Variants in DOCK2 observed in about 807,000 individuals in gnomAD.
DOCK2 encodes the protein dedicator of cytokinesis protein 2.
In DOCK2, 87 loss-of-function variants were observed where a neutral mutation model predicts 248.9. That is an observed-to-expected ratio of 0.35 (90% CI 0.29 to 0.42). DOCK2 has a LOEUF of 0.42. Among genes scored for constraint, DOCK2 ranks in the 10% least tolerant of loss-of-function variants. The pLI, the probability that DOCK2 is intolerant of heterozygous loss-of-function variation, is 1.00. For missense variants in DOCK2, 1,747 were observed against 2,300.2 expected (o/e 0.76, Z 4.92); for synonymous variants, 805 against 821.6 (o/e 0.98, Z 0.35).
chr5:169,656,111 T>C (rs1160872886), intron 2 of DOCK2, among the ~76,000 whole-genome samples: 2 of 152,172 alleles, frequency 1.3e-5, no homozygotes, highest in African/African-American at 4.8e-5. Flanking sequence ...CCCTATCTTT[T>C]ACAAATCTAG....
intron 27 of DOCK2, among the ~76,000 whole-genome samples, chr5:169,886,946 T>C (rs1304903501): frequency 2.6e-5 from 4 of 152,206 alleles, no homozygotes; most frequent in Non-Finnish European, 4.4e-5. Context: ...CTCTCTTCCT[T>C]AATCCTATGA....
At chr5:169,785,620 A>C (rs1765944680) in intron 25 of DOCK2, among the ~76,000 whole-genome samples, 1 of 152,188 alleles carries the variant, frequency 6.6e-6, no homozygotes, top group Non-Finnish European at 1.5e-5. Flanking sequence ...CTTTAATAGC[A>C]ATTCTTCCAG....
chr5:169,844,544 A>T (rs1770188460), intron 27 of DOCK2, among the ~76,000 whole-genome samples: 1 of 152,230 alleles, frequency 6.6e-6, no homozygotes, highest in Non-Finnish European at 1.5e-5. Context: ...TGGGTGACCC[A>T]TCACACTACG....
At chr5:169,946,062 G>T in intron 27 of DOCK2, among the ~76,000 whole-genome samples, 1 of 152,120 alleles carries the variant, frequency 6.6e-6, no homozygotes, top group Non-Finnish European at 1.5e-5. Context: ...GCTCCTCAGA[G>T]CCAAAGCTGT....
At chr5:169,869,326 C>G (rs985173365) in intron 27 of DOCK2, among the ~76,000 whole-genome samples, 112 of 152,290 alleles carry the variant, frequency 7.4e-4, no homozygotes, top group Non-Finnish European at 1.0e-4. Context: ...GTGACTGCCC[C>G]CACTGGTCTT....
rs888144930 is a variant in DOCK2, at chr5:170,055,295, G to A, written c.4214-10G>A. On this transcript the variant is annotated splice_polypyrimidine_tract_variant and intron_variant, in intron 41 of 51. Transcript: ENST00000520908. ...CAACAGATATAAGTCCTTAACTACAGGGATTCCAGATATCCAGTGCTTCAC... is the reference window on the plus strand; with the variant it reads ...CAACAGATATAAGTCCTTAACTACAAGGATTCCAGATATCCAGTGCTTCAC... 8 of 1,613,684 alleles carry A rather than the reference G, an allele frequency of 5.0e-6. No homozygotes were observed. Among genetic ancestry groups the A allele is most frequent in the Non-Finnish European group, 5.9e-6 (7 of 1,179,726 alleles).
chr5:169,990,548 C>T (rs1321439888), intron 29 of DOCK2, among the ~76,000 whole-genome samples: 1 of 152,192 alleles, frequency 6.6e-6, no homozygotes, highest in Non-Finnish European at 1.5e-5. Flanking sequence ...TGAACCGTGT[C>T]CTGTCACTGA....
intron 26 of DOCK2, among the ~76,000 whole-genome samples, chr5:169,817,375 T>G (rs1768129521): frequency 6.6e-6 from 1 of 152,350 alleles, no homozygotes; most frequent in Admixed American, 6.5e-5. Flanking sequence ...AAACATTAGC[T>G]AAGCACCTAT....
chr5:169,672,164 G>A (rs1362276005), intron 5 of DOCK2, among the ~76,000 whole-genome samples: 1 of 151,868 alleles, frequency 6.6e-6, no homozygotes, highest in African/African-American at 2.4e-5. Flanking sequence ...CCGCCACCAC[G>A]CCCAGCTAAT....
At chr5:170,049,642 G>A (rs1278314765) in intron 40 of DOCK2, among the ~76,000 whole-genome samples, 2 of 152,176 alleles carry the variant, frequency 1.3e-5, no homozygotes, top group African/African-American at 2.4e-5. Context: ...TGCATCGTAG[G>A]ATGCTAGCAG....
At chr5:169,994,966 T>A (rs547586115) in intron 29 of DOCK2, among the ~76,000 whole-genome samples, 155 of 151,826 alleles carry the variant, frequency 1.0e-3, no homozygotes, top group Admixed American at 3.5e-3. Context: ...TAAGGAGAAA[T>A]GCAAATTGAC....
At chr5:169,769,880 G>A (rs761251792) in intron 25 of DOCK2, among the ~76,000 whole-genome samples, 12 of 152,166 alleles carry the variant, frequency 7.9e-5, no homozygotes, top group Non-Finnish European at 1.5e-4. Context: ...CTATACTGAT[G>A]GAATGAACTC....
intron 41 of DOCK2, among the ~76,000 whole-genome samples, chr5:170,050,862 T>C (rs898097215): frequency 1.2e-4 from 18 of 152,192 alleles, no homozygotes; most frequent in Non-Finnish European, 1.5e-4. Context: ...TTCATTCTTA[T>C]ATTGAATACT....
In DOCK2 at chr5:170,082,940, C is replaced by G; in HGVS notation, c.*82C>G. On this transcript the variant is annotated 3_prime_UTR_variant, in exon 52 of 52. Coordinates refer to ENST00000520908, the MANE Select transcript of DOCK2 (RefSeq NM_004946.3). ...AAAGCCATGCGTGGAACATCGAAGC[C>G]TCAGAGAGTGGGAGACTGTCCCCAT... is the stretch of plus-strand genomic sequence containing the variant. 1 of 1,570,804 alleles carries G rather than the reference C, an allele frequency of 6.4e-7. No homozygotes were observed. The highest frequency in any genetic ancestry group is 1.1e-5 in the South Asian group (1 of 89,542).
chr5:169,883,157 T>C (rs1772763839), intron 27 of DOCK2: 2 of 1,551,344 alleles, frequency 1.3e-6, no homozygotes, highest in East Asian at 2.4e-5. Flanking sequence ...TCTAGTGGAG[T>C]CACCCTTCTC....
At chr5:169,903,692 C>T (rs1476402124) in intron 27 of DOCK2, among the ~76,000 whole-genome samples, 1 of 152,022 alleles carries the variant, frequency 6.6e-6, no homozygotes, top group East Asian at 1.9e-4. Context: ...GTCGAACTTA[C>T]TCGGGGCAGG....
At chr5:170,032,107 A>G (rs1756160773) in intron 34 of DOCK2, among the ~76,000 whole-genome samples, 1 of 151,624 alleles carries the variant, frequency 6.6e-6, no homozygotes, top group Admixed American at 6.6e-5. Flanking sequence ...GCTCACTGCA[A>G]GCTCCACCTC....
chr5:169,641,893 G>A (rs1446086672), intron 1 of DOCK2, among the ~76,000 whole-genome samples: 1 of 152,224 alleles, frequency 6.6e-6, no homozygotes, highest in East Asian at 1.9e-4. Flanking sequence ...AGAAGAGAGT[G>A]GTAGCTTGAT....
intron 26 of DOCK2, among the ~76,000 whole-genome samples, chr5:169,804,168 T>C (rs1361916252): frequency 2.0e-5 from 3 of 152,168 alleles, no homozygotes; most frequent in Non-Finnish European, 4.4e-5. Flanking sequence ...CAGAGCAATG[T>C]TCCTTTACTG....
Sources: gnomAD v4.1 joint callset for allele counts (sites outside exome capture counted in the v4.1 genomes callset) on GRCh38, gnomAD v4.1.1 for gene constraint, MANE v1.5 for transcripts, NCBI Gene and HGNC (gene_info 2026-07-23, HGNC 2026-07-21) for gene names.